SDK2: variants seen among roughly 807,000 people sequenced by gnomAD.
SDK2 encodes the protein sidekick cell adhesion molecule 2.
SDK2 carries 105 observed loss-of-function variants against 253.9 expected under a neutral mutation model. The ratio of observed to expected loss-of-function variants is 0.41; its 90% CI spans 0.35 to 0.49. The LOEUF (loss-of-function observed/expected upper bound fraction) is 0.49, where lower values mean the gene tolerates loss of function less well. Ranked by LOEUF, SDK2 falls within the 20% of genes least tolerant of loss-of-function variation. SDK2 has a pLI of 0.06. For synonymous variants in SDK2, 1,249 were observed against 1,234.9 expected, an observed-to-expected ratio of 1.01 and a Z score of -0.24; for missense variants, 2,608 against 3,003.0, an observed-to-expected ratio of 0.87 and a Z score of 3.07.
chr17:73,429,308 A>T (rs550637134), intron 12 of SDK2, among the ~76,000 whole-genome samples: 1 of 152,230 alleles, frequency 6.6e-6, no homozygotes, highest in African/African-American at 2.4e-5. Context: ...AGAAATAAGC[A>T]TATTCTGGAA....
chr17:73,459,337 G>C (rs2063549133), intron 3 of SDK2, among the ~76,000 whole-genome samples: 1 of 152,180 alleles, frequency 6.6e-6, no homozygotes, highest in Non-Finnish European at 1.5e-5. Context: ...CCCTGGGAAA[G>C]TCTAAATTCC....
intron 1 of SDK2, among the ~76,000 whole-genome samples, chr17:73,602,111 G>T (rs182192074): frequency 2.0e-5 from 3 of 152,328 alleles, no homozygotes; most frequent in Admixed American, 2.0e-4. Flanking sequence ...ACCAATACAG[G>T]TAGGTAGGTG....
At position 73,362,406 on chromosome 17, in the gene SDK2, A is replaced by ATTT. The variant is rs35982157; in HGVS notation, c.5306-564_5306-562dup. Among the ~76,000 whole-genome samples, 1,323 of 141,786 alleles carry ATTT rather than the reference A, an allele frequency of 9.3e-3. 10 individuals are homozygous for ATTT. The highest frequency in any genetic ancestry group is 0.023 in the African/African-American group (863 of 38,218). 93.0% of individuals were successfully genotyped at this position (141,786 alleles called of 152,430 possible). A position where few individuals can be genotyped will look rare whatever the true frequency, so the allele number is the denominator to read the frequency against. On this transcript the variant is annotated intron_variant, in intron 38 of 44. Coordinates refer to ENST00000392650, the MANE Select transcript of SDK2 (RefSeq NM_001144952.2). ...CCCTCCAGCACCTATATCTGCCACA[A>ATTT]TTTTTTTTTTTTTTTTAAGACAAGG...
In SDK2 at chr17:73,447,602, T is replaced by C. The variant is rs1234402434; in HGVS notation, c.613+13A>G. 4.5e-6 allele frequency: 7 copies of C among 1,551,760 alleles called. No individual in the cohort carries two copies. The highest frequency in any genetic ancestry group is 5.2e-6 in the Non-Finnish European group (6 of 1,147,030). On this transcript the variant is annotated intron_variant, in intron 5 of 44. Coordinates refer to ENST00000392650, the MANE Select transcript of SDK2 (RefSeq NM_001144952.2). This position sits in a 1 kb window ranked among gnomAD's most constrained non-coding sequence, Gnocchi z 4.0. ...CCCGCTCCAAGATCGGTCCCGGCCCTGTGCGTACTTACTCTCCACGGTGAG... is the reference window on the plus strand; with the variant it reads ...CCCGCTCCAAGATCGGTCCCGGCCCCGTGCGTACTTACTCTCCACGGTGAG...
In SDK2 at chr17:73,438,104, G is replaced by T. The variant is rs146398103; in HGVS notation, c.776C>A (p.Ser259Ter). The T allele has an allele frequency of 1.3e-6, 2 of 1,551,540 alleles. No individual in the cohort carries two copies. Among genetic ancestry groups the T allele is most frequent in the Admixed American group, 2.0e-5 (1 of 50,984 alleles). The change falls in exon 7 of 45, where the codon TCG (serine) becomes TAG (stop). Residue 259 changes from serine (S) to a stop codon, truncating the protein, a stop_gained. Transcript: ENST00000392650. LOFTEE classifies it high-confidence loss of function. ...IIWKKDGVLLSGGISDHNRRL... is the reference protein window; with the variant it reads ...IIWKKDGVLL ...GCGGTTGTGGTCACTGATGCCGCCC[G>T]ACAGCAATACCCCGTCCTTCTTCCA...
intron 1 of SDK2, among the ~76,000 whole-genome samples, chr17:73,623,132 T>C (rs1053144339): frequency 1.3e-5 from 2 of 152,270 alleles, no homozygotes; most frequent in Non-Finnish European, 2.9e-5. Context: ...TTCTTCCCCA[T>C]TGAGTCATTG....
At chr17:73,545,469 G>A (rs374216220) in intron 1 of SDK2, among the ~76,000 whole-genome samples, 1 of 152,194 alleles carries the variant, frequency 6.6e-6, no homozygotes, top group South Asian at 2.1e-4. Context: ...AGATGAGGGG[G>A]TTGAGGGGAA....
chr17:73,452,635 C>T (rs1038556110), intron 4 of SDK2, among the ~76,000 whole-genome samples: 3 of 152,174 alleles, frequency 2.0e-5, no homozygotes, highest in African/African-American at 7.2e-5. Context: ...AAGGGTTTCA[C>T]CCACCACAAC....
rs1300845163 is a variant in SDK2, at chr17:73,618,085, G to C, written c.64+25940C>G. The stretch of plus-strand genomic sequence containing the variant: ...GCCAGGGAGAGAAGCCTGTTAAAGG[G>C]GAGAGAGGTGCTTAATTTAATACCA... On this transcript the variant is annotated intron_variant, in intron 1 of 44. Coordinates refer to ENST00000392650, the MANE Select transcript of SDK2 (RefSeq NM_001144952.2). The surrounding 1 kb of genome is among the most constrained non-coding windows in gnomAD (Gnocchi z 4.1). 6.6e-6 allele frequency among the ~76,000 whole-genome samples: 1 copy of C among 152,146 alleles called. No homozygotes were observed. The highest frequency in any genetic ancestry group is 6.5e-5 in the Admixed American group (1 of 15,276).
intron 18 of SDK2, among the ~76,000 whole-genome samples, chr17:73,405,891 T>C (rs2063074046): frequency 6.6e-6 from 1 of 151,738 alleles, no homozygotes; most frequent in African/African-American, 2.4e-5. Flanking sequence ...GGCTAATTTT[T>C]TTTTTGCATT....
intron 20 of SDK2, among the ~76,000 whole-genome samples, 155 bp from the exon 21 acceptor site, chr17:73,401,366 G>T (rs1294340536): frequency 6.6e-6 from 1 of 152,188 alleles, no homozygotes; most frequent in Non-Finnish European, 1.5e-5. Flanking sequence ...ATCATGCCCT[G>T]GGTCTCAGGT....
chr17:73,455,983 G>A lies in SDK2; in HGVS notation c.402C>T (p.Ala134=), dbSNP rs1599583130. The A allele has an allele frequency of 6.5e-7, 1 of 1,548,206 alleles. No individual in the cohort carries two copies. The highest frequency in any genetic ancestry group is 8.7e-7 in the Non-Finnish European group (1 of 1,145,732). The change falls in exon 4 of 45, where the codon GCC becomes GCT. Residue 134 remains alanine (A), a synonymous_variant. Coordinates refer to ENST00000392650, the MANE Select transcript of SDK2 (RefSeq NM_001144952.2). The surrounding 1 kb of genome is among the most constrained non-coding windows in gnomAD (Gnocchi z 5.0). ...GCTGGGGGAAGCTGGCGATGCGCGG[G>A]GCACGGATGACAGCTGCTTCTCCGT... ...VSHGEAAVIR[A]PRIASFPQPQ... is the part of the protein sequence containing the mutation.
intron 1 of SDK2, among the ~76,000 whole-genome samples, chr17:73,598,548 T>C (rs2045792078): frequency 6.6e-6 from 1 of 152,212 alleles, no homozygotes; most frequent in Non-Finnish European, 1.5e-5. Flanking sequence ...CTGCTCTTTA[T>C]AGAAACCACC....
At chr17:73,413,517 C>T (rs1185718611) in intron 18 of SDK2, among the ~76,000 whole-genome samples, 1 of 152,086 alleles carries the variant, frequency 6.6e-6, no homozygotes, top group Non-Finnish European at 1.5e-5. Flanking sequence ...GTCCCTGGTG[C>T]CAAAAAGTTT....
chr17:73,411,075 C>T (rs886540898), intron 18 of SDK2, among the ~76,000 whole-genome samples: 2 of 152,214 alleles, frequency 1.3e-5, no homozygotes, highest in Non-Finnish European at 2.9e-5. Context: ...TCTGCCTCCC[C>T]CCAGGGTCCC....
intron 2 of SDK2, among the ~76,000 whole-genome samples, chr17:73,482,293 G>A (rs912447661): frequency 6.6e-6 from 1 of 151,626 alleles, no homozygotes; most frequent in Non-Finnish European, 1.5e-5. Context: ...AGAAGAAGCA[G>A]GTCTGTCTCC....
chr17:73,342,362 C>G (rs76203666), intron 44 of SDK2, among the ~76,000 whole-genome samples: 32,893 of 152,048 alleles, frequency 0.22, 3,912 homozygotes, highest in African/African-American at 0.31. Flanking sequence ...CCCAGCTGCC[C>G]GCCCAGGAGA....
chr17:73,453,319 G>A (rs1447167421), intron 4 of SDK2, among the ~76,000 whole-genome samples: 1 of 151,590 alleles, frequency 6.6e-6, no homozygotes, highest in East Asian at 1.9e-4. Flanking sequence ...TCACCAGCCT[G>A]CAGACTCACA....
rs533081867 is a variant in SDK2 at position 73,420,015 on chromosome 17, T to C, written c.2046-709A>G. Among the ~76,000 whole-genome samples the C allele has an allele frequency of 7.2e-5, 11 of 152,344 alleles. No individual in the cohort carries two copies. The East Asian group carries it at 2.1e-3, about 29-fold the overall frequency. The stretch of plus-strand genomic sequence containing the variant: ...TCCAAGTGTTCTATAAGCAGAAATG[T>C]TGGTCACATCCCACTGGTCAGCTGC... On this transcript the variant is annotated intron_variant, in intron 15 of 44. Transcript: ENST00000392650.
Sources: allele counts gnomAD v4.1 joint callset (sites outside exome capture counted in the v4.1 genomes callset), GRCh38; gene constraint gnomAD v4.1.1; non-coding constraint Gnocchi (gnomAD v3.1); transcripts MANE v1.5; gene names NCBI Gene and HGNC (gene_info 2026-07-23, HGNC 2026-07-21).